Variants in ASAP2 observed in about 807,000 individuals in gnomAD.
ASAP2 encodes the protein ArfGAP with SH3 domain, ankyrin repeat and PH domain 2, also known as arf-GAP with SH3 domain, ANK repeat and PH domain-containing protein 2.
In ASAP2, 45 loss-of-function variants were observed where a neutral mutation model predicts 131.4. That is an observed-to-expected ratio of 0.34 (90% CI 0.27 to 0.44). The LOEUF (loss-of-function observed/expected upper bound fraction) is 0.44, where lower values mean the gene tolerates loss of function less well. ASAP2 is among the 20% of genes least tolerant of loss of function. The probability of loss-of-function intolerance (pLI) is 1.00; values close to 1 mark genes in which losing one functional copy is unlikely to be tolerated. For synonymous variants in ASAP2, 510 were observed against 503.0 expected (o/e 1.01, Z -0.19); for missense variants, 1,011 against 1,297.0 (o/e 0.78, Z 3.39).
intron 1 of ASAP2, among the ~76,000 whole-genome samples, chr2:9,270,089 G>C (rs545201620): frequency 6.6e-6 from 1 of 152,314 alleles, no homozygotes; most frequent in African/African-American, 2.4e-5. Flanking sequence ...TGGTTTTTGT[G>C]ATAAGTTCAC....
chr2:9,293,723 A>T (rs1390522646), intron 2 of ASAP2, among the ~76,000 whole-genome samples: 1 of 152,136 alleles, frequency 6.6e-6, no homozygotes, highest in Non-Finnish European at 1.5e-5. Flanking sequence ...AGAGGAAGAC[A>T]CGGGGCTTAT....
At chr2:9,362,529 G>C (rs1673171365) in intron 15 of ASAP2, among the ~76,000 whole-genome samples, 1 of 152,118 alleles carries the variant, frequency 6.6e-6, no homozygotes, top group African/African-American at 2.4e-5. Flanking sequence ...ATGTTTTGTG[G>C]TGAGAACACT....
At chr2:9,242,780 G>A (rs1664064534) in intron 1 of ASAP2, among the ~76,000 whole-genome samples, 1 of 152,118 alleles carries the variant, frequency 6.6e-6, no homozygotes, top group South Asian at 2.1e-4. Flanking sequence ...GAGGAAAATT[G>A]CCGTCTGGGG....
chr2:9,211,151 G>A (rs1334467142), intron 1 of ASAP2, among the ~76,000 whole-genome samples: 2 of 133,666 alleles, frequency 1.5e-5, no homozygotes, highest in East Asian at 2.0e-4. Context: ...GTGAAACTGC[G>A]TCTCAAAAAA....
chr2:9,323,128 A>G lies in ASAP2; in HGVS notation c.478A>G (p.Ile160Val). The change falls in exon 6 of 28, where the codon ATA becomes GTA. Residue 160 changes from isoleucine to valine, a missense_variant. Ile to Val is a conservative substitution (Grantham distance 29). Coordinates refer to ENST00000281419, the MANE Select transcript of ASAP2 (RefSeq NM_003887.3). ...WKDYETKITK[I>V]EKEKKEHAKL... ...CCTTGCTTTCACACGTAGAACCAAG[A>G]TAGAAAAGGAGAAAAAGGAACACGC... 1 of 1,614,224 alleles carries G rather than the reference A, an allele frequency of 6.2e-7. No homozygotes were observed. The highest frequency in any genetic ancestry group is 8.5e-7 in the Non-Finnish European group (1 of 1,180,036).
intron 1 of ASAP2, among the ~76,000 whole-genome samples, chr2:9,274,382 G>T (rs1666614135): frequency 6.8e-6 from 1 of 147,192 alleles, no homozygotes; most frequent in Admixed American, 6.9e-5. Context: ...GAGTACAGTG[G>T]TGTGATCTCC....
intron 3 of ASAP2, among the ~76,000 whole-genome samples, chr2:9,304,108 C>T (rs1007545028): frequency 2.2e-4 from 34 of 152,278 alleles, no homozygotes; most frequent in African/African-American, 2.4e-4. Context: ...AGTGACTCCC[C>T]GCCCTGAGCC....
At chr2:9,365,172 C>T (rs1396011665) in intron 15 of ASAP2, among the ~76,000 whole-genome samples, 1 of 152,138 alleles carries the variant, frequency 6.6e-6, no homozygotes, top group Non-Finnish European at 1.5e-5. Flanking sequence ...AAACTTTTTC[C>T]CTGCACACCA....
intron 3 of ASAP2, among the ~76,000 whole-genome samples, chr2:9,310,219 T>C (rs1016166917): frequency 4.6e-5 from 7 of 152,202 alleles, no homozygotes; most frequent in African/African-American, 1.7e-4. Flanking sequence ...CGAATTAAAA[T>C]CTCCCCACAT....
At chr2:9,401,515 C>G in intron 27 of ASAP2, 119 bp downstream of exon 27, 1 of 1,323,998 alleles carries the variant, frequency 7.6e-7, no homozygotes, top group Non-Finnish European at 1.0e-6. Context: ...GATGTAGTTC[C>G]TGGTGCCTCC....
intron 2 of ASAP2, among the ~76,000 whole-genome samples, chr2:9,279,945 G>A (rs1472367794): frequency 6.6e-6 from 1 of 151,850 alleles, no homozygotes; most frequent in Non-Finnish European, 1.5e-5. Context: ...TAGGTCACCT[G>A]TAGCATACCT....
chr2:9,252,891 C>T (rs1432895452), intron 1 of ASAP2, among the ~76,000 whole-genome samples: 4 of 143,706 alleles, frequency 2.8e-5, no homozygotes, highest in South Asian at 2.3e-4. Flanking sequence ...ACTCCAGCCT[C>T]GCGACAAAGC....
At position 9,311,229 on chromosome 2, in the gene ASAP2, AAAAAAT is replaced by A. The variant is rs983098090; in HGVS notation, c.346-7283_346-7278del. Among the ~76,000 whole-genome samples, 1 of 151,952 alleles carries A rather than the reference AAAAAAT, an allele frequency of 6.6e-6. No homozygotes were observed. Among genetic ancestry groups the A allele is most frequent in the Non-Finnish European group, 1.5e-5 (1 of 68,006 alleles). ...CAACATGGGGAGACCCTGTCTTGAC[AAAAAAT>A]AAAAATAAAAAAATTAGCCAGGCAT... On this transcript the variant is annotated intron_variant, in intron 3 of 27. Coordinates refer to ENST00000281419, the MANE Select transcript of ASAP2 (RefSeq NM_003887.3). This position sits in a 1 kb window ranked among gnomAD's most constrained non-coding sequence, Gnocchi z 5.2.
intron 18 of ASAP2, among the ~76,000 whole-genome samples, chr2:9,378,741 TG>T (rs1472322892): frequency 2.2e-4 from 33 of 152,218 alleles, no homozygotes; most frequent in Admixed American, 2.0e-3. Flanking sequence ...GTTATTTCCC[TG>T]ATGACCTTCT....
chr2:9,236,899 A>G (rs1191493974), intron 1 of ASAP2, among the ~76,000 whole-genome samples: 1 of 152,224 alleles, frequency 6.6e-6, no homozygotes, highest in East Asian at 1.9e-4. Context: ...GGACAAGGAC[A>G]GGGCAATATC....
At chr2:9,277,562 T>A (rs769141664) in intron 1 of ASAP2, among the ~76,000 whole-genome samples, 33 of 152,204 alleles carry the variant, frequency 2.2e-4, no homozygotes, top group Non-Finnish European at 4.4e-4. Context: ...AAATAAACAT[T>A]TTTAGTTTTA....
At chr2:9,380,208 T>G (rs1380718292) in intron 19 of ASAP2, among the ~76,000 whole-genome samples, 3 of 151,712 alleles carry the variant, frequency 2.0e-5, no homozygotes, top group Admixed American at 6.6e-5. Context: ...TTGTTTTTTG[T>G]TTTTTTTGAG....
At position 9,394,259 on chromosome 2, in the gene ASAP2, G is replaced by C. The variant is rs370889106; in HGVS notation, c.2684+612G>C. On this transcript the variant is annotated intron_variant, in intron 24 of 27. Coordinates refer to ENST00000281419, the MANE Select transcript of ASAP2 (RefSeq NM_003887.3). ...GGCTCACTGCAAGCTCTGCCTCCAG[G>C]GTTCTTGCCATTCTCCTGCCTGAGC... Among the ~76,000 whole-genome samples, 3 of 150,714 alleles carry C rather than the reference G, an allele frequency of 2.0e-5. No individual in the cohort carries two copies. The East Asian group carries it at 5.8e-4, about 29-fold the overall frequency.
chr2:9,320,557 G>C (rs1572445226), intron 5 of ASAP2, among the ~76,000 whole-genome samples: 1 of 152,344 alleles, frequency 6.6e-6, no homozygotes, highest in East Asian at 1.9e-4. Flanking sequence ...AGATGTCATA[G>C]TGGTTATAGG....
Sources: allele counts gnomAD v4.1 joint callset (sites outside exome capture counted in the v4.1 genomes callset), GRCh38; gene constraint gnomAD v4.1.1; non-coding constraint Gnocchi (gnomAD v3.1); transcripts MANE v1.5; gene names NCBI Gene and HGNC (gene_info 2026-07-23, HGNC 2026-07-21).